Variants in WWOX observed in about 807,000 individuals in gnomAD.
WWOX encodes the protein WW domain containing oxidoreductase.
A neutral mutation model predicts 46.2 loss-of-function variants in WWOX; 69 were observed. That is an observed-to-expected ratio of 1.49 (90% CI 1.23 to 1.82). The LOEUF (loss-of-function observed/expected upper bound fraction) is 1.82. WWOX is among the 40% of genes most tolerant of loss of function. The pLI, the probability that WWOX is intolerant of heterozygous loss-of-function variation, is 0.00. For missense variants in WWOX, 919 were observed against 542.6 expected (o/e 1.69, Z -6.89); for synonymous variants, 359 against 202.6 (o/e 1.77, Z -6.56).
At chr16:78,848,447 G>A (rs1360004601) in intron 8 of WWOX, among the ~76,000 whole-genome samples, 1 of 152,180 alleles carries the variant, frequency 6.6e-6, no homozygotes, top group Non-Finnish European at 1.5e-5. Flanking sequence ...GGCTCTGAGT[G>A]TTTATCAGCT....
chr16:78,459,583 G>A (rs958890695), intron 8 of WWOX, among the ~76,000 whole-genome samples: 1 of 152,116 alleles, frequency 6.6e-6, no homozygotes, highest in Admixed American at 6.5e-5. Context: ...TAAGCGATCA[G>A]GCATCAATGG....
At chr16:78,638,988 G>C (rs2142108257) in intron 8 of WWOX, among the ~76,000 whole-genome samples, 1 of 152,202 alleles carries the variant, frequency 6.6e-6, no homozygotes. Flanking sequence ...ATTTCCTAAA[G>C]GCTTACTGGG....
chr16:78,845,477 A>G (rs1358492474), intron 8 of WWOX, among the ~76,000 whole-genome samples: 1 of 152,200 alleles, frequency 6.6e-6, no homozygotes, highest in Non-Finnish European at 1.5e-5. Flanking sequence ...AAGTATGCTC[A>G]TGGATTCTCT....
At chr16:79,153,561 C>T (rs1410400434) in intron 8 of WWOX, among the ~76,000 whole-genome samples, 1 of 152,154 alleles carries the variant, frequency 6.6e-6, no homozygotes, top group Non-Finnish European at 1.5e-5. Flanking sequence ...CACTGAGTAA[C>T]AATCCTAATA....
intron 8 of WWOX, among the ~76,000 whole-genome samples, chr16:78,633,395 C>A (rs913371522): frequency 6.6e-6 from 1 of 152,148 alleles, no homozygotes; most frequent in African/African-American, 2.4e-5. Flanking sequence ...TTTTCATTCA[C>A]CCCTCCCTCT....
In WWOX at chr16:78,759,412, T is replaced by A. The variant is rs149647420; in HGVS notation, c.1056+326660T>A. Among the ~76,000 whole-genome samples the A allele has an allele frequency of 5.9e-3, 900 of 152,310 alleles. 10 individuals are homozygous for A. Among genetic ancestry groups the A allele is most frequent in the African/African-American group, 0.017 (719 of 41,572 alleles). On this transcript the variant is annotated intron_variant, in intron 8 of 8. Coordinates refer to ENST00000566780, the MANE Select transcript of WWOX (RefSeq NM_016373.4). ...CTCTCTCTGCTTTTTCTTCTCTCAC[T>A]GCTGCTGAAGCAGTGAGAGCCTGTT...
intron 8 of WWOX, among the ~76,000 whole-genome samples, chr16:78,590,555 C>G (rs1227123598): frequency 6.6e-6 from 1 of 152,196 alleles, no homozygotes; most frequent in African/African-American, 2.4e-5. Context: ...AAGTGTATTT[C>G]TTGATACTTG....
Position 78,494,805 on chromosome 16 carries a change from C to T in WWOX, c.1056+62053C>T, listed in dbSNP as rs553113003. Among the ~76,000 whole-genome samples, 256 of 152,294 alleles carry T rather than the reference C, an allele frequency of 1.7e-3. 1 individual carries two copies. The highest frequency in any genetic ancestry group is 3.2e-3 in the Non-Finnish European group (220 of 68,024). ...TATGGTATGGCTTTTCCTGTAATTACAGTCAAGATCCTATAGCCGGAGGAA... is the reference window on the plus strand; with the variant it reads ...TATGGTATGGCTTTTCCTGTAATTATAGTCAAGATCCTATAGCCGGAGGAA... On this transcript the variant is annotated intron_variant, in intron 8 of 8. Transcript: ENST00000566780.
chr16:78,905,676 C>A (rs2044944037), intron 8 of WWOX, among the ~76,000 whole-genome samples: 1 of 152,170 alleles, frequency 6.6e-6, no homozygotes, highest in Non-Finnish European at 1.5e-5. Flanking sequence ...AGCCACCTGG[C>A]CCAGCCAGAA....
rs560505012 is a variant in WWOX, at chr16:78,671,573, A to G, written c.1056+238821A>G. Among the ~76,000 whole-genome samples the G allele has an allele frequency of 4.4e-4, 67 of 152,268 alleles. 1 individual carries two copies. Among genetic ancestry groups the G allele is most frequent in the African/African-American group, 1.4e-3 (58 of 41,552 alleles). On this transcript the variant is annotated intron_variant, in intron 8 of 8. Coordinates refer to ENST00000566780, the MANE Select transcript of WWOX (RefSeq NM_016373.4). The stretch of plus-strand genomic sequence containing the variant: ...TTCTAGTTTTTATGATAACCTCATT[A>G]ATTGCCGGTACTCTCAGAGCCCTGA...
At chr16:78,531,668 C>T (rs1373689177) in intron 8 of WWOX, among the ~76,000 whole-genome samples, 5 of 152,022 alleles carry the variant, frequency 3.3e-5, no homozygotes, top group South Asian at 2.1e-4. Context: ...CATGGTGAAA[C>T]CCTGTCTCTA....
At chr16:78,231,012 C>T (rs2037245729) in intron 5 of WWOX, among the ~76,000 whole-genome samples, 1 of 152,198 alleles carries the variant, frequency 6.6e-6, no homozygotes, top group Admixed American at 6.5e-5. Context: ...TGAGTCATCC[C>T]TGGTGTTTCT....
chr16:78,641,424 T>C (rs2046708219), intron 8 of WWOX, among the ~76,000 whole-genome samples: 1 of 152,138 alleles, frequency 6.6e-6, no homozygotes, highest in South Asian at 2.1e-4. Context: ...CTTTCATTAA[T>C]AAACTGGCGA....
chr16:78,169,176 C>G (rs922427185), intron 5 of WWOX, among the ~76,000 whole-genome samples: 15 of 152,208 alleles, frequency 9.9e-5, no homozygotes, highest in African/African-American at 3.4e-4. Context: ...GCCCTCACCT[C>G]TTAAGACAAG....
chr16:78,464,297 G>A (rs2084021668), intron 8 of WWOX, among the ~76,000 whole-genome samples: 1 of 151,748 alleles, frequency 6.6e-6, no homozygotes, highest in African/African-American at 2.4e-5. Context: ...AAAGAAAAAG[G>A]GAGAAGGAAA....
intron 8 of WWOX, among the ~76,000 whole-genome samples, chr16:78,725,343 T>TG (rs2048801996): frequency 1.0e-5 from 1 of 95,706 alleles, no homozygotes; most frequent in Non-Finnish European, 1.9e-5. Context: ...TCTTTTCTTT[T>TG]CTTTTTTTTT....
chr16:78,844,406 C>G (rs2052243095), intron 8 of WWOX, among the ~76,000 whole-genome samples: 6 of 151,986 alleles, frequency 3.9e-5, no homozygotes, highest in Admixed American at 3.9e-4. Flanking sequence ...CCGTGTGGTA[C>G]CAGTGGGTTA....
At chr16:78,652,244 A>C (rs2046981580) in intron 8 of WWOX, among the ~76,000 whole-genome samples, 2 of 151,524 alleles carry the variant, frequency 1.3e-5, no homozygotes, top group East Asian at 2.0e-4. Flanking sequence ...ACCTGTCACT[A>C]CTAAAAATCC....
intron 8 of WWOX, among the ~76,000 whole-genome samples, chr16:78,855,925 C>T (rs996387559): frequency 6.6e-6 from 1 of 152,168 alleles, no homozygotes; most frequent in Non-Finnish European, 1.5e-5. Context: ...AGAAGACAGA[C>T]TTGGGAACAA....
Sources: allele counts gnomAD v4.1 joint callset (sites outside exome capture counted in the v4.1 genomes callset), GRCh38; gene constraint gnomAD v4.1.1; transcripts MANE v1.5; gene names NCBI Gene and HGNC (gene_info 2026-07-23, HGNC 2026-07-21).